The following MAPK10 variants were observed in gnomAD, a reference collection of about 807,000 sequenced individuals.
The protein encoded by MAPK10 is mitogen-activated protein kinase 10.
A neutral mutation model predicts 59.3 loss-of-function variants in MAPK10; 25 were observed. That is an observed-to-expected ratio of 0.42 (90% confidence interval 0.31 to 0.59). MAPK10 has a LOEUF of 0.59. Ranked by LOEUF, MAPK10 falls within the 20% of genes least tolerant of loss-of-function variation. The pLI is 0.15. For missense variants in MAPK10, 351 were observed against 568.9 expected, an observed-to-expected ratio of 0.62 and a Z score of 3.90; for synonymous variants, 190 against 200.5, an observed-to-expected ratio of 0.95 and a Z score of 0.44.
At chr4:86,432,132 G>A (rs775914000) in intron 1 of MAPK10, among the ~76,000 whole-genome samples, 1 of 152,166 alleles carries the variant, frequency 6.6e-6, no homozygotes, top group Non-Finnish European at 1.5e-5. Flanking sequence ...CTAGCCAGGA[G>A]GGTCTAATGA....
chr4:86,240,631 T>G (rs181626617), intron 2 of MAPK10, among the ~76,000 whole-genome samples: 1 of 152,172 alleles, frequency 6.6e-6, no homozygotes, highest in Non-Finnish European at 1.5e-5. Context: ...TGGTTGAAAG[T>G]CTGTTTTGTC....
At chr4:86,531,446 T>G (rs1187510079) in intron 1 of MAPK10, among the ~76,000 whole-genome samples, 1 of 152,184 alleles carries the variant, frequency 6.6e-6, no homozygotes, top group Non-Finnish European at 1.5e-5. Context: ...TTGTTGATAC[T>G]ACTATTATTG....
Position 86,261,906 on chromosome 4 carries a change from A to G in MAPK10, c.-6-67499T>C, listed in dbSNP as rs545058279. On this transcript the variant is annotated intron_variant, in intron 2 of 13. Transcript: ENST00000641462. The stretch of plus-strand genomic sequence containing the variant: ...TTCACCATGCACTGCCGTGAGGGCT[A>G]GTTCCACAGAAGAGTAATAACTGAC... 5.2e-5 allele frequency among the ~76,000 whole-genome samples: 8 copies of G among 152,382 alleles called. No homozygotes were observed. In the South Asian group the frequency reaches 1.4e-3, roughly 28 times the overall value.
chr4:86,540,625 A>T (rs1408863628), intron 1 of MAPK10, among the ~76,000 whole-genome samples: 2 of 151,914 alleles, frequency 1.3e-5, no homozygotes, highest in Non-Finnish European at 2.9e-5. Flanking sequence ...AAAGTTAATC[A>T]CAGAATAAAA....
At chr4:86,369,845 GCC>G (rs1738485180) in intron 1 of MAPK10, among the ~76,000 whole-genome samples, 1 of 152,072 alleles carries the variant, frequency 6.6e-6, no homozygotes, top group Non-Finnish European at 1.5e-5. Context: ...ATATGTATAG[GCC>G]AGTCTGTGTG....
chr4:86,386,121 G>A (rs12508801), intron 1 of MAPK10, among the ~76,000 whole-genome samples: 26,935 of 152,092 alleles, frequency 0.18, 2,493 homozygotes, highest in East Asian at 0.25. Flanking sequence ...ACCTGATTAC[G>A]AACTCCATTC....
intron 4 of MAPK10, among the ~76,000 whole-genome samples, chr4:86,154,264 T>C (rs1274618238): frequency 6.6e-6 from 1 of 152,090 alleles, no homozygotes; most frequent in Non-Finnish European, 1.5e-5. Context: ...TGCTTAAAGA[T>C]CCTTAGCTGG....
intron 1 of MAPK10, among the ~76,000 whole-genome samples, chr4:86,440,522 T>G (rs1379897996): frequency 1.3e-5 from 2 of 151,918 alleles, no homozygotes; most frequent in Non-Finnish European, 2.9e-5. Context: ...TCTCAGCTAC[T>G]TAGGAGGCTG....
intron 2 of MAPK10, among the ~76,000 whole-genome samples, chr4:86,283,623 G>C (rs985978862): frequency 1.3e-5 from 2 of 152,198 alleles, no homozygotes; most frequent in Admixed American, 1.3e-4. Flanking sequence ...AAAGTGCTGA[G>C]AACACTTTCA....
At chr4:86,093,383 T>C (rs916751749) in intron 9 of MAPK10, among the ~76,000 whole-genome samples, 2 of 151,986 alleles carry the variant, frequency 1.3e-5, no homozygotes, top group Non-Finnish European at 2.9e-5. Flanking sequence ...GAAGATTTAA[T>C]ATAGTTTTCT....
At chr4:86,447,385 C>T (rs1054545628) in intron 1 of MAPK10, among the ~76,000 whole-genome samples, 69 of 152,242 alleles carry the variant, frequency 4.5e-4, no homozygotes, top group African/African-American at 1.6e-3. Flanking sequence ...TCAGTTAAAC[C>T]TCTTTCCTTT....
chr4:86,028,689 T>G (rs1337049440), intron 13 of MAPK10: 1 of 169,116 alleles, frequency 5.9e-6, no homozygotes, highest in African/African-American at 2.4e-5. Context: ...AAAATATATA[T>G]GCACAATTGT....
intron 2 of MAPK10, among the ~76,000 whole-genome samples, chr4:86,250,249 G>C (rs6845742): frequency 6.6e-6 from 1 of 151,850 alleles, no homozygotes; most frequent in Non-Finnish European, 1.5e-5. Flanking sequence ...GGGCAAGAAA[G>C]GGTTTTGAAA....
intron 2 of MAPK10, among the ~76,000 whole-genome samples, chr4:86,287,273 C>T (rs1477360954): frequency 6.6e-6 from 1 of 152,142 alleles, no homozygotes; most frequent in Non-Finnish European, 1.5e-5. Flanking sequence ...TAAATAAAAA[C>T]ACTGTAATTC....
intron 4 of MAPK10, among the ~76,000 whole-genome samples, chr4:86,158,734 A>T (rs182293080): frequency 6.6e-6 from 1 of 152,076 alleles, no homozygotes; most frequent in African/African-American, 2.4e-5. Flanking sequence ...GATTTGTCAT[A>T]ATTTTAATTA....
chr4:86,593,076 T>TA (rs1763199973), intron 1 of MAPK10, among the ~76,000 whole-genome samples: 2 of 152,244 alleles, frequency 1.3e-5, no homozygotes, highest in African/African-American at 4.8e-5. Context: ...TGAAGATATC[T>TA]ATCATAGTTA....
intron 4 of MAPK10, among the ~76,000 whole-genome samples, chr4:86,141,803 G>A (rs916942391): frequency 1.3e-5 from 2 of 152,152 alleles, no homozygotes; most frequent in Non-Finnish European, 2.9e-5. Context: ...TCCATTTTGT[G>A]TTGCTATAAT....
chr4:86,038,979 T>G (rs993064927), intron 11 of MAPK10, among the ~76,000 whole-genome samples: 17 of 152,342 alleles, frequency 1.1e-4, no homozygotes, highest in African/African-American at 4.1e-4. Flanking sequence ...TGGCATTTTG[T>G]GATGTACTAT....
chr4:86,371,520 A>C (rs909738768), intron 1 of MAPK10, among the ~76,000 whole-genome samples: 1 of 152,230 alleles, frequency 6.6e-6, no homozygotes, highest in Non-Finnish European at 1.5e-5. Context: ...ACATCTGTGC[A>C]TATCTAACTG....
Sources: gnomAD v4.1 joint callset for allele counts (sites outside exome capture counted in the v4.1 genomes callset) on GRCh38, gnomAD v4.1.1 for gene constraint, MANE v1.5 for transcripts, NCBI Gene and HGNC (gene_info 2026-07-23, HGNC 2026-07-21) for gene names.